Variants in CCDC102B observed in about 807,000 individuals in gnomAD.
The protein encoded by CCDC102B is coiled-coil domain containing 102B.
In CCDC102B, 75 loss-of-function variants were observed where a neutral mutation model predicts 57.4. That is an observed-to-expected ratio of 1.31 (90% confidence interval 1.08 to 1.58). The LOEUF (loss-of-function observed/expected upper bound fraction) is 1.58, where lower values mean the gene tolerates loss of function less well. CCDC102B is among the 40% of genes most tolerant of loss of function. CCDC102B has a pLI of 0.00. For synonymous variants in CCDC102B, 206 were observed against 201.9 expected, an observed-to-expected ratio of 1.02 and a Z score of -0.17; for missense variants, 636 against 582.6, an observed-to-expected ratio of 1.09 and a Z score of -0.94.
chr18:68,740,723 C>G (rs890999255), intron 2 of CCDC102B, among the ~76,000 whole-genome samples: 9 of 152,166 alleles, frequency 5.9e-5, no homozygotes, highest in Non-Finnish European at 1.0e-4. Context: ...ACAACTGCCT[C>G]AAGCCTTTTC....
chr18:69,014,039 C>A (rs1243731866), intron 7 of CCDC102B, among the ~76,000 whole-genome samples: 2 of 151,902 alleles, frequency 1.3e-5, no homozygotes, highest in Admixed American at 1.3e-4. Flanking sequence ...GTGACTCTAC[C>A]AGAACATCTT....
chr18:69,041,835 C>A (rs912269924), intron 7 of CCDC102B, among the ~76,000 whole-genome samples: 2 of 151,890 alleles, frequency 1.3e-5, no homozygotes, highest in East Asian at 3.9e-4. Context: ...ACTAGTTCTT[C>A]TAGTTGTGAT....
rs770668683 is a variant in CCDC102B at position 69,009,924 on chromosome 18, A to ATTTTTTTTTTTTTTTTTTT, written c.1264-1003_1264-985dup. 1.7e-3 allele frequency among the ~76,000 whole-genome samples: 56 copies of ATTTTTTTTTTTTTTTTTTT among 33,528 alleles called. 12 individuals are homozygous for ATTTTTTTTTTTTTTTTTTT. Among genetic ancestry groups the ATTTTTTTTTTTTTTTTTTT allele is most frequent in the South Asian group, 6.1e-3 (2 of 330 alleles). 22.0% of individuals were successfully genotyped at this position (33,528 alleles called of 152,430 possible). The stretch of plus-strand genomic sequence containing the variant: ...CTTTTTCTTTATAGTTTTAATAAAG[A>ATTTTTTTTTTTTTTTTTTT]TTTTTTTTTTTTTTTTTTTTTTTTT... On this transcript the variant is annotated intron_variant, in intron 6 of 7. Transcript: ENST00000360242.
At chr18:68,721,557 C>G (rs1252475623) in intron 2 of CCDC102B, 2 of 152,148 alleles carry the variant, frequency 1.3e-5, no homozygotes, top group Non-Finnish European at 2.9e-5. Flanking sequence ...AGATTCCTGA[C>G]TCATTTTTTG....
At chr18:68,753,497 C>T (rs1475582452) in intron 2 of CCDC102B, 1 of 152,202 alleles carries the variant, frequency 6.6e-6, no homozygotes, top group Non-Finnish European at 1.5e-5. Context: ...ACATACCACA[C>T]ACATTACCAC....
At chr18:68,884,169 T>C (rs1028010616) in intron 5 of CCDC102B, among the ~76,000 whole-genome samples, 1 of 152,068 alleles carries the variant, frequency 6.6e-6, no homozygotes, top group Non-Finnish European at 1.5e-5. Context: ...TCTGCGAATA[T>C]ACATAAAGGA....
At chr18:69,051,792 CA>C (rs2052712320) in intron 7 of CCDC102B, among the ~76,000 whole-genome samples, 1 of 151,622 alleles carries the variant, frequency 6.6e-6, no homozygotes, top group African/African-American at 2.4e-5. Flanking sequence ...AAAGTCTATT[CA>C]ATATTTGCAC....
intron 4 of CCDC102B, among the ~76,000 whole-genome samples, chr18:68,867,657 G>A (rs2039053902): frequency 6.6e-6 from 1 of 152,144 alleles, no homozygotes; most frequent in African/African-American, 2.4e-5. Flanking sequence ...CTAGCTGGCC[G>A]GGCGCAGTGG....
At chr18:68,962,869 T>C (rs919546468) in intron 6 of CCDC102B, among the ~76,000 whole-genome samples, 4 of 151,976 alleles carry the variant, frequency 2.6e-5, no homozygotes, top group East Asian at 1.9e-4. Context: ...GTTTTTAAAA[T>C]TGTTTTTCCC....
intron 6 of CCDC102B, among the ~76,000 whole-genome samples, chr18:68,979,463 C>A (rs1455395785): frequency 1.3e-5 from 2 of 151,872 alleles, no homozygotes; most frequent in Non-Finnish European, 2.9e-5. Context: ...AACAAGTCGG[C>A]CAAGCTGGTG....
At chr18:68,787,805 G>C (rs1222085367) in intron 2 of CCDC102B, among the ~76,000 whole-genome samples, 1 of 151,932 alleles carries the variant, frequency 6.6e-6, no homozygotes, top group African/African-American at 2.4e-5. Context: ...ATTTTTTGAA[G>C]GGTTTTTTAT....
intron 3 of CCDC102B, among the ~76,000 whole-genome samples, chr18:68,842,831 C>G (rs1278783121): frequency 6.6e-6 from 1 of 152,092 alleles, no homozygotes; most frequent in Admixed American, 6.6e-5. Flanking sequence ...ATATTTTGAG[C>G]TATAATGTCA....
chr18:68,966,905 T>C (rs1250823223), intron 6 of CCDC102B, among the ~76,000 whole-genome samples: 3 of 152,258 alleles, frequency 2.0e-5, no homozygotes, highest in Admixed American at 6.5e-5. Context: ...CCAATGCCCA[T>C]AGGCTACTGC....
intron 4 of CCDC102B, among the ~76,000 whole-genome samples, chr18:68,862,716 C>T (rs1186820035): frequency 6.6e-6 from 1 of 152,042 alleles, no homozygotes; most frequent in East Asian, 1.9e-4. Flanking sequence ...TTAAGATAAA[C>T]CAGAAATCTT....
chr18:68,994,112 A>T (rs201510708), intron 6 of CCDC102B, among the ~76,000 whole-genome samples: 3 of 118,286 alleles, frequency 2.5e-5, no homozygotes, highest in African/African-American at 8.5e-5. Context: ...AATTTTTATT[A>T]TTTTATTTAA....
chr18:69,054,041 C>G lies in CCDC102B; in HGVS notation c.1446C>G (p.Ser482=), dbSNP rs1033650036. ...LNQKEDELDD[S]LNQIRKLQRS... is the part of the protein sequence containing the mutation. The stretch of plus-strand genomic sequence containing the variant: ...TACTTCGCTTTCAGCTTGATGATTC[C>G]CTGAATCAGATCCGTAAGCTCCAGA... The change falls in exon 8 of 8, where the codon TCC becomes TCG. Residue 482 remains serine, a synonymous_variant. Transcript: ENST00000360242. 6.2e-7 allele frequency: 1 copy of G among 1,601,866 alleles called. No individual in the cohort carries two copies. The highest frequency in any genetic ancestry group is 8.5e-7 in the Non-Finnish European group (1 of 1,176,468).
At chr18:68,751,397 G>C (rs892097439) in intron 2 of CCDC102B, among the ~76,000 whole-genome samples, 1 of 152,076 alleles carries the variant, frequency 6.6e-6, no homozygotes, top group Non-Finnish European at 1.5e-5. Flanking sequence ...ATATTCACAG[G>C]CTTCTTGCAC....
intron 4 of CCDC102B, among the ~76,000 whole-genome samples, chr18:68,850,741 A>G (rs2038084893): frequency 6.6e-6 from 1 of 151,962 alleles, no homozygotes. Flanking sequence ...CTCTAGCTAC[A>G]GTGGCTTTCA....
At chr18:68,956,790 T>C (rs745587625) in intron 6 of CCDC102B, among the ~76,000 whole-genome samples, 6 of 150,212 alleles carry the variant, frequency 4.0e-5, no homozygotes, top group Non-Finnish European at 8.9e-5. Context: ...TGCCAGAATT[T>C]ATTGCCTGTC....
Sources: gnomAD v4.1 joint callset for allele counts (sites outside exome capture counted in the v4.1 genomes callset) on GRCh38, gnomAD v4.1.1 for gene constraint, MANE v1.5 for transcripts, NCBI Gene and HGNC (gene_info 2026-07-23, HGNC 2026-07-21) for gene names.